NRXN1: variants seen among roughly 807,000 people sequenced by gnomAD.
NRXN1 encodes the protein neurexin 1.
NRXN1 carries 39 observed loss-of-function variants against 150.9 expected under a neutral mutation model. The ratio of observed to expected loss-of-function variants is 0.26; its 90% CI spans 0.20 to 0.34. The LOEUF is 0.34. NRXN1 is among the 10% of genes least tolerant of loss of function. The pLI is 1.00. For synonymous variants in NRXN1, 924 were observed against 757.0 expected, an observed-to-expected ratio of 1.22 and a Z score of -3.62; for missense variants, 1,815 against 1,949.9, an observed-to-expected ratio of 0.93 and a Z score of 1.30.
intron 16 of NRXN1, among the ~76,000 whole-genome samples, 174 bp downstream of exon 16, chr2:50,472,124 C>A (rs2089538092): frequency 6.6e-6 from 1 of 151,494 alleles, no homozygotes; most frequent in South Asian, 2.1e-4. Flanking sequence ...GGCTTGCAAA[C>A]AGTACAGAAA....
At chr2:50,508,395 T>C in intron 12 of NRXN1, among the ~76,000 whole-genome samples, 1 of 144,882 alleles carries the variant, frequency 6.9e-6, no homozygotes, top group African/African-American at 2.5e-5. Context: ...GATCAAATGT[T>C]GAAAGCAAGT....
At chr2:50,213,214 C>A (rs2063157073) in intron 18 of NRXN1, among the ~76,000 whole-genome samples, 1 of 151,800 alleles carries the variant, frequency 6.6e-6, no homozygotes, top group Non-Finnish European at 1.5e-5. Flanking sequence ...ATAAAATGAA[C>A]ATTTACAATA....
intron 17 of NRXN1, among the ~76,000 whole-genome samples, chr2:50,350,729 C>T (rs1226691371): frequency 6.6e-6 from 1 of 152,154 alleles, no homozygotes; most frequent in Non-Finnish European, 1.5e-5. Flanking sequence ...TGCTTCCCCT[C>T]CTCCCTCACT....
intron 5 of NRXN1, among the ~76,000 whole-genome samples, chr2:50,886,205 T>C (rs2103763362): frequency 6.6e-6 from 1 of 151,194 alleles, no homozygotes; most frequent in South Asian, 2.1e-4. Flanking sequence ...ACTGGCTAGA[T>C]AACATGTACT....
chr2:50,161,408 G>A (rs553550708), intron 18 of NRXN1, among the ~76,000 whole-genome samples: 2 of 151,512 alleles, frequency 1.3e-5, no homozygotes, highest in African/African-American at 2.4e-5. Context: ...TATTTCCAGC[G>A]ACTTAATTTA....
intron 9 of NRXN1, among the ~76,000 whole-genome samples, chr2:50,539,513 G>C (rs1296389906): frequency 1.3e-5 from 2 of 151,332 alleles, no homozygotes; most frequent in South Asian, 2.1e-4. Context: ...AAAAATATTA[G>C]TGGAATCTAT....
At chr2:50,905,784 T>A (rs899173515) in intron 5 of NRXN1, among the ~76,000 whole-genome samples, 6 of 152,142 alleles carry the variant, frequency 3.9e-5, no homozygotes, top group Non-Finnish European at 8.8e-5. Context: ...CATATGTATT[T>A]ATGTTCCACA....
intron 17 of NRXN1, among the ~76,000 whole-genome samples, chr2:50,260,838 C>G (rs17040350): frequency 2.0e-5 from 3 of 151,666 alleles, no homozygotes; most frequent in African/African-American, 7.2e-5. Context: ...ACTTGAAAAA[C>G]GAGACACTCA....
chr2:50,904,170 A>AAG (rs1213460055), intron 5 of NRXN1, among the ~76,000 whole-genome samples: 1 of 152,158 alleles, frequency 6.6e-6, no homozygotes, highest in Admixed American at 6.5e-5. Flanking sequence ...TTTAGAACTG[A>AAG]AGAATCCAGT....
At chr2:50,920,893 A>T (rs770076809) in intron 5 of NRXN1, among the ~76,000 whole-genome samples, 64 of 151,834 alleles carry the variant, frequency 4.2e-4, no homozygotes, top group Middle Eastern at 6.8e-3. Context: ...CATTTCTTAC[A>T]TATTGCCTGG....
rs565046338 is a variant in NRXN1, at chr2:50,539,092, T to A, written c.1760-456A>T. ...ACTTGATTACTTTGATTGAGCACAATAGTTTCACAGATTACCTATGTCAAA... is the reference window on the plus strand; with the variant it reads ...ACTTGATTACTTTGATTGAGCACAAAAGTTTCACAGATTACCTATGTCAAA... On this transcript the variant is annotated intron_variant, in intron 9 of 22. Coordinates refer to ENST00000401669, the MANE Select transcript of NRXN1 (RefSeq NM_001330078.2). Among the ~76,000 whole-genome samples, 5 of 152,352 alleles carry A rather than the reference T, an allele frequency of 3.3e-5. No homozygotes were observed. The East Asian group carries it at 7.7e-4, about 24-fold the overall frequency.
At position 50,381,567 on chromosome 2, in the gene NRXN1, AC is replaced by A. The variant is rs1558635297; in HGVS notation, c.3364+83874del. ...CACACACACACACACACACACACACACACACAATCTGCTTTTGGCTATGAAA... is the reference window on the plus strand; with the variant it reads ...CACACACACACACACACACACACACAACACAATCTGCTTTTGGCTATGAAA... On this transcript the variant is annotated intron_variant, in intron 17 of 22. Transcript: ENST00000401669. Among the ~76,000 whole-genome samples, 5 of 141,406 alleles carry A rather than the reference AC, an allele frequency of 3.5e-5. No homozygotes were observed. The East Asian group carries it at 6.0e-4, about 17-fold the overall frequency. The allele number at this position is 141,406 out of a possible 152,430, so 92.8% of individuals were successfully genotyped here. A position where few individuals can be genotyped will look rare whatever the true frequency, so the allele number is the denominator to read the frequency against.
At chr2:50,143,439 G>A (rs1419982541) in intron 18 of NRXN1, among the ~76,000 whole-genome samples, 1 of 151,842 alleles carries the variant, frequency 6.6e-6, no homozygotes, top group African/African-American at 2.4e-5. Context: ...AGACACTCTT[G>A]GCTGGAAGAC....
chr2:50,636,700 GA>G (rs1162407767), intron 5 of NRXN1, among the ~76,000 whole-genome samples: 3 of 152,016 alleles, frequency 2.0e-5, no homozygotes, highest in Admixed American at 6.6e-5. Flanking sequence ...TACAAATTCA[GA>G]AAGACAAAGG....
chr2:51,014,071 C>T (rs1374239120), intron 2 of NRXN1, among the ~76,000 whole-genome samples: 1 of 151,950 alleles, frequency 6.6e-6, no homozygotes, highest in Admixed American at 6.6e-5. Context: ...CATGCAATTT[C>T]CAAGGCATGA....
intron 21 of NRXN1, among the ~76,000 whole-genome samples, chr2:49,953,644 G>A (rs540835166): frequency 2.3e-4 from 35 of 151,954 alleles, no homozygotes; most frequent in Admixed American, 8.5e-4. Context: ...TTCTAAACAT[G>A]ACATATGAAT....
At chr2:50,098,857 T>TGG (rs1700625830) in intron 18 of NRXN1, among the ~76,000 whole-genome samples, 21 of 27,936 alleles carry the variant, frequency 7.5e-4, no homozygotes, top group African/African-American at 3.3e-3. Context: ...TTTTTTTTTT[T>TGG]TTTTTTTTTT....
chr2:50,597,093 C>T (rs1675363163), intron 8 of NRXN1, among the ~76,000 whole-genome samples: 1 of 152,016 alleles, frequency 6.6e-6, no homozygotes, highest in South Asian at 2.1e-4. Flanking sequence ...ATCTGCCTGC[C>T]TCAGCACTCC....
intron 2 of NRXN1, among the ~76,000 whole-genome samples, chr2:50,954,011 A>C (rs1691856435): frequency 6.6e-6 from 1 of 151,874 alleles, no homozygotes; most frequent in Non-Finnish European, 1.5e-5. Flanking sequence ...CAAGGTAGGA[A>C]CTCCTTAGCC....
Sources: allele counts gnomAD v4.1 joint callset (sites outside exome capture counted in the v4.1 genomes callset), GRCh38; gene constraint gnomAD v4.1.1; transcripts MANE v1.5; gene names NCBI Gene and HGNC (gene_info 2026-07-23, HGNC 2026-07-21).